The following SKAP2 variants were observed in gnomAD, a reference collection of about 807,000 sequenced individuals.
The protein encoded by SKAP2 is src kinase-associated phosphoprotein 2.
A neutral mutation model predicts 54.9 loss-of-function variants in SKAP2; 28 were observed. That is an observed-to-expected ratio of 0.51 (90% CI 0.38 to 0.70). The LOEUF (loss-of-function observed/expected upper bound fraction) is 0.70. Ranked by LOEUF, SKAP2 falls within the 30% of genes least tolerant of loss-of-function variation. SKAP2 has a pLI of 0.00. For missense variants in SKAP2, 356 were observed against 424.1 expected, an observed-to-expected ratio of 0.84 and a Z score of 1.41; for synonymous variants, 137 against 134.3, an observed-to-expected ratio of 1.02 and a Z score of -0.14.
At chr7:26,671,111 A>G (rs1186858959) in intron 11 of SKAP2, among the ~76,000 whole-genome samples, 1 of 152,056 alleles carries the variant, frequency 6.6e-6, no homozygotes, top group Admixed American at 6.6e-5. Context: ...AACCGGTCTC[A>G]TATGTCTGCC....
At chr7:26,793,810 T>C (rs1195461300) in intron 4 of SKAP2, among the ~76,000 whole-genome samples, 2 of 152,220 alleles carry the variant, frequency 1.3e-5, no homozygotes, top group African/African-American at 2.4e-5. Context: ...GAATGAAATA[T>C]AGAGCGATTA....
intron 9 of SKAP2, among the ~76,000 whole-genome samples, chr7:26,711,646 G>C (rs1224541602): frequency 6.6e-6 from 1 of 152,172 alleles, no homozygotes; most frequent in Non-Finnish European, 1.5e-5. Flanking sequence ...CAGCAGAAAT[G>C]GGATTGGAAA....
chr7:26,739,678 C>T (rs1223586236), intron 5 of SKAP2, among the ~76,000 whole-genome samples: 1 of 152,164 alleles, frequency 6.6e-6, no homozygotes, highest in Non-Finnish European at 1.5e-5. Context: ...AGGTTGACAA[C>T]TAAAAACCTA....
At chr7:26,835,354 A>G (rs545336568) in intron 4 of SKAP2, among the ~76,000 whole-genome samples, 1 of 152,220 alleles carries the variant, frequency 6.6e-6, no homozygotes, top group African/African-American at 2.4e-5. Context: ...CAGGGCAATC[A>G]GGCAAGAGAA....
chr7:26,727,811 T>C (rs13229947), intron 6 of SKAP2, among the ~76,000 whole-genome samples: 104,547 of 151,974 alleles, frequency 0.69, 36,240 homozygotes, highest in East Asian at 0.9. Context: ...ACCTTCCTAC[T>C]TCACCCAGTT....
chr7:26,839,458 G>A (rs188863983), intron 4 of SKAP2, among the ~76,000 whole-genome samples: 22 of 152,148 alleles, frequency 1.4e-4, no homozygotes, highest in Admixed American at 5.2e-4. Context: ...AAAGTGAAAT[G>A]TTGATACATG....
chr7:26,670,791 C>A (rs1229389266), intron 11 of SKAP2, among the ~76,000 whole-genome samples: 2 of 151,978 alleles, frequency 1.3e-5, no homozygotes, highest in African/African-American at 2.4e-5. Flanking sequence ...CAAATAGGTT[C>A]CTTTAAAATA....
chr7:26,717,372 T>G (rs1787469701), intron 9 of SKAP2, among the ~76,000 whole-genome samples: 1 of 151,570 alleles, frequency 6.6e-6, no homozygotes, highest in Admixed American at 6.6e-5. Flanking sequence ...TAGCCAGGCG[T>G]GGTGGCATGC....
chr7:26,833,623 G>C (rs1229596394), intron 4 of SKAP2, among the ~76,000 whole-genome samples: 2 of 152,136 alleles, frequency 1.3e-5, no homozygotes, highest in Non-Finnish European at 2.9e-5. Context: ...AAGAGACAAA[G>C]AAGGGCATTA....
chr7:26,758,962 G>A (rs2189019), intron 4 of SKAP2, among the ~76,000 whole-genome samples: 124,427 of 152,168 alleles, frequency 0.82, 51,501 homozygotes, highest in African/African-American at 0.95. Context: ...TTAGAAAGCT[G>A]GCATTTATGA....
At chr7:26,842,568 A>G (rs576434197) in intron 4 of SKAP2, among the ~76,000 whole-genome samples, 2 of 152,006 alleles carry the variant, frequency 1.3e-5, no homozygotes, top group South Asian at 2.1e-4. Flanking sequence ...TTAAGAAACT[A>G]TGTCTATATA....
intron 4 of SKAP2, among the ~76,000 whole-genome samples, chr7:26,799,396 A>C (rs2127984118): frequency 6.6e-6 from 1 of 152,346 alleles, no homozygotes; most frequent in African/African-American, 2.4e-5. Flanking sequence ...TGGAAACCAA[A>C]AAAGAGCAGG....
chr7:26,743,311 C>G (rs1782495135), intron 4 of SKAP2, among the ~76,000 whole-genome samples: 1 of 152,160 alleles, frequency 6.6e-6, no homozygotes, highest in South Asian at 2.1e-4. Flanking sequence ...GTTACTATAA[C>G]TGTAACTACT....
At chr7:26,672,511 T>A (rs1786263900) in intron 11 of SKAP2, among the ~76,000 whole-genome samples, 2 of 151,960 alleles carry the variant, frequency 1.3e-5, no homozygotes, top group Non-Finnish European at 2.9e-5. Context: ...TTCACTTAAT[T>A]TAAAATAATT....
intron 4 of SKAP2, among the ~76,000 whole-genome samples, chr7:26,780,129 GA>G (rs1311669016): frequency 6.6e-6 from 1 of 152,066 alleles, no homozygotes; most frequent in Non-Finnish European, 1.5e-5. Flanking sequence ...TGACTTTGGA[GA>G]AGTTGCTTAA....
Position 26,834,229 on chromosome 7 carries a change from T to A in SKAP2, c.307+9801A>T, listed in dbSNP as rs894051514. ...GGAAATTTATAGCACTAAATCACCA[T>A]AAGAGAAAGCAGAAAAGATCTAAAA... On this transcript the variant is annotated intron_variant, in intron 4 of 12. Coordinates refer to ENST00000345317, the MANE Select transcript of SKAP2 (RefSeq NM_003930.5). Among the ~76,000 whole-genome samples the A allele has an allele frequency of 2.6e-5, 4 of 152,152 alleles. No individual in the cohort carries two copies. In the South Asian group the frequency reaches 6.2e-4, roughly 24 times the overall value.
At chr7:26,801,207 C>T (rs369633181) in intron 4 of SKAP2, among the ~76,000 whole-genome samples, 114 of 152,216 alleles carry the variant, frequency 7.5e-4, no homozygotes, top group Admixed American at 2.1e-3. Flanking sequence ...TCAACATATA[C>T]AAATCAATCA....
At chr7:26,856,406 A>C (rs1363169213) in intron 1 of SKAP2, among the ~76,000 whole-genome samples, 1 of 152,202 alleles carries the variant, frequency 6.6e-6, no homozygotes, top group African/African-American at 2.4e-5. Flanking sequence ...GTTAAAAAAA[A>C]GTATGAAAAT....
intron 6 of SKAP2, 122 bp from the exon 7 acceptor site, chr7:26,727,128 TATA>T (rs1787725386): frequency 6.0e-6 from 4 of 662,784 alleles, no homozygotes; most frequent in Non-Finnish European, 2.4e-6. Flanking sequence ...GCTTTAGTAA[TATA>T]ATGCTTAGGT....
Sources: gnomAD v4.1 joint callset for allele counts (sites outside exome capture counted in the v4.1 genomes callset) on GRCh38, gnomAD v4.1.1 for gene constraint, MANE v1.5 for transcripts, NCBI Gene and HGNC (gene_info 2026-07-23, HGNC 2026-07-21) for gene names.